LRMDA: variants seen among roughly 807,000 people sequenced by gnomAD.
The protein encoded by LRMDA is leucine-rich melanocyte differentiation-associated protein.
LRMDA carries 18 observed loss-of-function variants against 29.8 expected under a neutral mutation model. That is an observed-to-expected ratio of 0.60 (90% CI 0.42 to 0.90). The LOEUF is 0.90. LRMDA is among the 40% of genes least tolerant of loss of function. LRMDA has a pLI of 0.00. For synonymous variants in LRMDA, 125 were observed against 109.4 expected, an observed-to-expected ratio of 1.14 and a Z score of -0.89; for missense variants, 273 against 273.9, an observed-to-expected ratio of 1.00 and a Z score of 0.02.
chr10:75,558,626 AC>A (rs1840248101), intron 2 of LRMDA, among the ~76,000 whole-genome samples: 1 of 149,406 alleles, frequency 6.7e-6, no homozygotes, highest in African/African-American at 2.5e-5. Context: ...GGTGTGCTGC[AC>A]CCATTAACTC....
intron 2 of LRMDA, among the ~76,000 whole-genome samples, chr10:75,709,546 T>G (rs1453487041): frequency 2.0e-5 from 3 of 152,118 alleles, no homozygotes; most frequent in Non-Finnish European, 4.4e-5. Flanking sequence ...TTCTGACAAA[T>G]ATAAGCCATT....
chr10:75,535,032 G>A (rs1839930409), intron 2 of LRMDA, among the ~76,000 whole-genome samples: 1 of 152,044 alleles, frequency 6.6e-6, no homozygotes, highest in Admixed American at 6.5e-5. Context: ...CCATGAAGAG[G>A]CTTAGTGTTA....
chr10:75,936,947 C>A (rs1251124197), intron 2 of LRMDA, among the ~76,000 whole-genome samples: 2 of 152,198 alleles, frequency 1.3e-5, no homozygotes, highest in African/African-American at 2.4e-5. Flanking sequence ...GTCTTCTCAT[C>A]TTTATTTTGG....
chr10:75,884,062 G>T (rs993906674), intron 2 of LRMDA, among the ~76,000 whole-genome samples: 1 of 151,800 alleles, frequency 6.6e-6, no homozygotes, highest in Non-Finnish European at 1.5e-5. Flanking sequence ...TTGATGGTCT[G>T]TTTTCTTTTT....
intron 4 of LRMDA, among the ~76,000 whole-genome samples, chr10:76,055,083 A>G (rs1391684057): frequency 2.3e-4 from 35 of 149,342 alleles, no homozygotes; most frequent in Middle Eastern, 3.5e-3. Flanking sequence ...AAAAAAAAAA[A>G]AAAAAAAAAA....
chr10:75,719,515 G>A (rs746366390), intron 2 of LRMDA, among the ~76,000 whole-genome samples: 15 of 152,194 alleles, frequency 9.9e-5, no homozygotes, highest in Admixed American at 2.6e-4. Context: ...TTTCTTAGTC[G>A]TAGAGTATTT....
chr10:76,472,529 A>G (rs567192235), intron 6 of LRMDA, among the ~76,000 whole-genome samples: 4 of 151,820 alleles, frequency 2.6e-5, no homozygotes, highest in East Asian at 3.9e-4. Flanking sequence ...ACTAAACTCA[A>G]AGAAGATAGA....
intron 5 of LRMDA, among the ~76,000 whole-genome samples, chr10:76,256,021 T>C (rs1000300206): frequency 6.6e-6 from 1 of 152,208 alleles, no homozygotes; most frequent in Non-Finnish European, 1.5e-5. Context: ...TTGTGTAATA[T>C]CTTTAGCTCT....
intron 5 of LRMDA, among the ~76,000 whole-genome samples, chr10:76,116,279 A>G (rs1437919007): frequency 1.3e-5 from 2 of 152,228 alleles, no homozygotes. Context: ...AAAAGATAAT[A>G]TGGGAAAATA....
intron 2 of LRMDA, among the ~76,000 whole-genome samples, chr10:76,033,456 G>A (rs533514535): frequency 2.4e-4 from 36 of 152,164 alleles, no homozygotes; most frequent in African/African-American, 8.4e-4. Flanking sequence ...CCACCCTGAG[G>A]GGAAGAAAGG....
intron 6 of LRMDA, among the ~76,000 whole-genome samples, chr10:76,380,525 CG>C (rs1189567811): frequency 1.3e-5 from 2 of 151,710 alleles, no homozygotes; most frequent in Non-Finnish European, 2.9e-5. Flanking sequence ...AAAAATTAGT[CG>C]GGCGTGGTGG....
At chr10:76,353,678 C>T (rs1473924536) in intron 6 of LRMDA, among the ~76,000 whole-genome samples, 1 of 152,122 alleles carries the variant, frequency 6.6e-6, no homozygotes, top group Non-Finnish European at 1.5e-5. Context: ...TCACAGTGCA[C>T]AGTCTGGAGT....
At chr10:76,032,229 G>A (rs1848161338) in intron 2 of LRMDA, among the ~76,000 whole-genome samples, 1 of 152,166 alleles carries the variant, frequency 6.6e-6, no homozygotes, top group Non-Finnish European at 1.5e-5. Context: ...GCCCACCCAG[G>A]AGCAGAAGGG....
At chr10:76,258,035 T>C (rs73286990) in intron 5 of LRMDA, among the ~76,000 whole-genome samples, 9,681 of 152,304 alleles carry the variant, frequency 0.064, 995 homozygotes, top group African/African-American at 0.22. Context: ...CATTTGTTAA[T>C]GACTCATTGG....
In LRMDA at chr10:75,960,704, C is replaced by T. The variant is rs1433723707; in HGVS notation, c.132-75304C>T. The stretch of plus-strand genomic sequence containing the variant: ...TCTCGGCTCACTGCAACCTCTGTCT[C>T]CAGGGTTCAAGTGATTCTTCTGCCT... On this transcript the variant is annotated intron_variant, in intron 2 of 6. Transcript: ENST00000611255. Among the ~76,000 whole-genome samples the T allele has an allele frequency of 2.0e-5, 3 of 152,158 alleles. No individual in the cohort carries two copies. In the South Asian group the frequency reaches 6.2e-4, roughly 32 times the overall value.
At chr10:76,525,284 A>G (rs1843162708) in intron 6 of LRMDA, among the ~76,000 whole-genome samples, 1 of 152,186 alleles carries the variant, frequency 6.6e-6, no homozygotes. Flanking sequence ...AACCAAACTG[A>G]TGGGTTCATT....
intron 2 of LRMDA, among the ~76,000 whole-genome samples, chr10:75,472,090 T>C (rs1844734424): frequency 6.6e-6 from 1 of 152,164 alleles, no homozygotes; most frequent in Admixed American, 6.5e-5. Context: ...TTCTCTATGC[T>C]TAAAATCCTT....
intron 2 of LRMDA, among the ~76,000 whole-genome samples, chr10:75,808,717 C>T (rs997214256): frequency 1.3e-5 from 2 of 152,106 alleles, no homozygotes; most frequent in African/African-American, 4.8e-5. Context: ...ACCATGTTGG[C>T]CAGGATGGTC....
chr10:75,688,067 AAGG>A (rs1251128811), intron 2 of LRMDA, among the ~76,000 whole-genome samples: 4 of 152,248 alleles, frequency 2.6e-5, no homozygotes, highest in African/African-American at 9.6e-5. Flanking sequence ...GGAGATGTAC[AAGG>A]AGATCAATGT....
Sources: gnomAD v4.1 joint callset for allele counts (sites outside exome capture counted in the v4.1 genomes callset) on GRCh38, gnomAD v4.1.1 for gene constraint, MANE v1.5 for transcripts, NCBI Gene and HGNC (gene_info 2026-07-23, HGNC 2026-07-21) for gene names.